TPRX1: variants seen among roughly 807,000 people sequenced by gnomAD.
TPRX1 encodes tetra-peptide repeat homeobox protein 1.
A neutral mutation model predicts 8.1 loss-of-function variants in TPRX1; 2 were observed. That is an observed-to-expected ratio of 0.25 (90% CI 0.10 to 0.78). TPRX1 has a LOEUF of 0.78. Among genes scored for constraint, TPRX1 ranks in the 30% least tolerant of loss-of-function variants. The pLI, the probability that TPRX1 is intolerant of heterozygous loss-of-function variation, is 0.70. For synonymous variants in TPRX1, 257 were observed against 254.1 expected, an observed-to-expected ratio of 1.01 and a Z score of -0.11; for missense variants, 517 against 586.9, an observed-to-expected ratio of 0.88 and a Z score of 1.23.
chr19:47,810,505 C>G (rs182591980), intron 2 of TPRX1, among the ~76,000 whole-genome samples: 1 of 150,208 alleles, frequency 6.7e-6, no homozygotes, highest in African/African-American at 2.4e-5. Context: ...CCCACCACCA[C>G]GCCCGGCTAA....
At chr19:47,802,509 A>AGATTGGGCCTGG (rs751668101) in exon 4 of TPRX1, 1 of 1,362,744 alleles carries the variant, frequency 7.3e-7, no homozygotes, top group Non-Finnish European at 9.5e-7. Context: ...AATGGGCCTG[A>AGATTGGGCCTGG]GATTGGGCCT....
At chr19:47,815,809 C>T (rs1251432444) in intron 2 of TPRX1, among the ~76,000 whole-genome samples, 1 of 151,092 alleles carries the variant, frequency 6.6e-6, no homozygotes, top group Non-Finnish European at 1.5e-5. Context: ...AAGACCCTGT[C>T]TCAAAAAAAA....
chr19:47,815,121 T>TATATATATATATATGCAA (rs1555799997), intron 2 of TPRX1, among the ~76,000 whole-genome samples: 3 of 90,252 alleles, frequency 3.3e-5, no homozygotes, highest in African/African-American at 1.4e-4. Context: ...AAATTATATA[T>TATATATATATATATGCAA]ATATATATAT....
intron 2 of TPRX1, among the ~76,000 whole-genome samples, chr19:47,813,458 A>G (rs1347540766): frequency 1.3e-5 from 2 of 152,224 alleles, no homozygotes; most frequent in East Asian, 3.9e-4. Flanking sequence ...TAGAGAGGGG[A>G]GTTGTTCCAG....
intron 2 of TPRX1, among the ~76,000 whole-genome samples, chr19:47,810,585 G>A (rs762877855): frequency 1.3e-5 from 2 of 151,688 alleles, no homozygotes; most frequent in Non-Finnish European, 1.5e-5. Flanking sequence ...CTGACCCTGT[G>A]GTCTGCCCGC....
intron 2 of TPRX1, among the ~76,000 whole-genome samples, chr19:47,817,416 C>G (rs887882697): frequency 6.6e-6 from 1 of 152,154 alleles, no homozygotes; most frequent in Non-Finnish European, 1.5e-5. Flanking sequence ...TGGGCCAGCA[C>G]CTGCCCCGGA....
chr19:47,806,561 A>T (rs538677219), intron 2 of TPRX1, among the ~76,000 whole-genome samples: 38 of 152,224 alleles, frequency 2.5e-4, no homozygotes, highest in African/African-American at 9.1e-4. Context: ...CACAAAAAAT[A>T]GAAACCCAAA....
chr19:47,811,591 C>T (rs560499302), intron 2 of TPRX1, among the ~76,000 whole-genome samples: 8 of 151,516 alleles, frequency 5.3e-5, no homozygotes, highest in Admixed American at 3.3e-4. Flanking sequence ...CTCCGCCTCC[C>T]GGATTCAAGC....
At chr19:47,811,671 G>T (rs1018867973) in intron 2 of TPRX1, among the ~76,000 whole-genome samples, 4 of 150,766 alleles carry the variant, frequency 2.7e-5, no homozygotes, top group Non-Finnish European at 4.4e-5. Context: ...GCTAATTTTT[G>T]TATTTATAGT....
At chr19:47,805,391 A>G (rs544933551) in intron 2 of TPRX1, among the ~76,000 whole-genome samples, 1 of 152,202 alleles carries the variant, frequency 6.6e-6, no homozygotes, top group East Asian at 1.9e-4. Context: ...TTGTGAGTGA[A>G]TGAACCTACT....
chr19:47,802,917 G>C (rs750708649), exon 4 of TPRX1: 2 of 1,550,472 alleles, frequency 1.3e-6, no homozygotes. Flanking sequence ...CCAGGGACGC[G>C]CTGGGGCTGC....
chr19:47,813,693 A>C (rs1283249613), intron 2 of TPRX1, among the ~76,000 whole-genome samples: 1 of 149,006 alleles, frequency 6.7e-6, no homozygotes, highest in Non-Finnish European at 1.5e-5. Context: ...CTTTGTGTCT[A>C]CCCCCTTCCA....
chr19:47,808,983 T>C (rs1967759336), intron 2 of TPRX1, among the ~76,000 whole-genome samples: 1 of 152,162 alleles, frequency 6.6e-6, no homozygotes, highest in Admixed American at 6.6e-5. Context: ...TAAGAAATGA[T>C]GATCTTTAAT....
exon 4 of TPRX1, chr19:47,802,307 T>A (rs200474965): frequency 5.6e-5 from 62 of 1,098,386 alleles, no homozygotes; most frequent in African/African-American, 2.4e-4. Context: ...CGGGCCTGGG[T>A]TCGGGCCTGA....
At chr19:47,808,511 C>T (rs577903171) in intron 2 of TPRX1, among the ~76,000 whole-genome samples, 32 of 152,018 alleles carry the variant, frequency 2.1e-4, no homozygotes, top group Non-Finnish European at 3.4e-4. Flanking sequence ...CAGATATCGG[C>T]TCACTGCAAC....
At chr19:47,814,898 C>G (rs1967817394) in intron 2 of TPRX1, among the ~76,000 whole-genome samples, 1 of 151,580 alleles carries the variant, frequency 6.6e-6, no homozygotes, top group Non-Finnish European at 1.5e-5. Flanking sequence ...CTCCTGGACT[C>G]AAGCAATTCT....
At chr19:47,815,162 A>ATATATATATATGCAAATATATATATATAT (rs1360730858) in intron 2 of TPRX1, among the ~76,000 whole-genome samples, 1 of 74,714 alleles carries the variant, frequency 1.3e-5, no homozygotes, top group African/African-American at 5.1e-5. Context: ...ATATATATAT[A>ATATATATATATGCAAATATATATATATAT]TTTTTTTTTT....
At chr19:47,807,962 T>C (rs541422665) in intron 2 of TPRX1, among the ~76,000 whole-genome samples, 121 of 152,220 alleles carry the variant, frequency 7.9e-4, no homozygotes, top group African/African-American at 2.7e-3. Flanking sequence ...AGGGTCTTGC[T>C]CTGTTGCCCA....
chr19:47,802,207 C>G (rs1568613388), exon 4 of TPRX1: 27 of 1,607,306 alleles, frequency 1.7e-5, no homozygotes, highest in Non-Finnish European at 2.2e-5. Flanking sequence ...GGCTGGGAAT[C>G]GGGCCTATAA....
Sources: gnomAD v4.1 joint callset for allele counts (sites outside exome capture counted in the v4.1 genomes callset) on GRCh38, gnomAD v4.1.1 for gene constraint, MANE v1.5 for transcripts, NCBI Gene and HGNC (gene_info 2026-07-23, HGNC 2026-07-21) for gene names.